The following KSR2 variants were observed in gnomAD, a reference collection of about 807,000 sequenced individuals.
KSR2 encodes kinase suppressor of ras 2.
A neutral mutation model predicts 107.8 loss-of-function variants in KSR2; 25 were observed. That is an observed-to-expected ratio of 0.23 (90% CI 0.17 to 0.32). KSR2 has a LOEUF of 0.32. Ranked by LOEUF, KSR2 falls within the 10% of genes least tolerant of loss-of-function variation. The probability of loss-of-function intolerance (pLI) is 1.00; values close to 1 mark genes in which losing one functional copy is unlikely to be tolerated. For synonymous variants in KSR2, 480 were observed against 507.0 expected, an observed-to-expected ratio of 0.95 and a Z score of 0.71; for missense variants, 887 against 1,268.9, an observed-to-expected ratio of 0.70 and a Z score of 4.57.
chr12:117,595,173 C>T (rs1880558162), intron 5 of KSR2, among the ~76,000 whole-genome samples: 1 of 152,166 alleles, frequency 6.6e-6, no homozygotes, highest in Non-Finnish European at 1.5e-5. Context: ...AAACACTTAG[C>T]TAGACATCAC....
At chr12:117,622,274 A>G (rs985098151) in intron 5 of KSR2, among the ~76,000 whole-genome samples, 2 of 152,140 alleles carry the variant, frequency 1.3e-5, no homozygotes, top group African/African-American at 4.8e-5. Flanking sequence ...TCAGGATTAA[A>G]TCATCATTTC....
At chr12:117,573,328 T>G (rs845753) in intron 7 of KSR2, among the ~76,000 whole-genome samples, 3 of 151,878 alleles carry the variant, frequency 2.0e-5, no homozygotes, top group Admixed American at 6.6e-5. Flanking sequence ...AGGATGAACA[T>G]GTCATTGAAC....
At chr12:117,498,469 G>A (rs549480429) in intron 14 of KSR2, among the ~76,000 whole-genome samples, 1 of 152,310 alleles carries the variant, frequency 6.6e-6, no homozygotes, top group East Asian at 1.9e-4. Context: ...CACTGGCCCA[G>A]GGGAGGGGCT....
chr12:117,613,498 C>A (rs1279060706), intron 5 of KSR2, among the ~76,000 whole-genome samples: 1 of 152,124 alleles, frequency 6.6e-6, no homozygotes, highest in East Asian at 1.9e-4. Flanking sequence ...GTCTCTGGCC[C>A]CTCCTGCACT....
At chr12:117,698,462 T>G (rs1045935653) in intron 4 of KSR2, among the ~76,000 whole-genome samples, 1 of 152,008 alleles carries the variant, frequency 6.6e-6, no homozygotes, top group African/African-American at 2.4e-5. Context: ...ACTATGGGCA[T>G]GCACCACCAC....
chr12:117,494,045 C>G (rs969960050), intron 14 of KSR2, among the ~76,000 whole-genome samples: 1 of 152,134 alleles, frequency 6.6e-6, no homozygotes, highest in African/African-American at 2.4e-5. Flanking sequence ...TGGACTAATA[C>G]GGGCAGGGAC....
At chr12:117,908,522 T>C (rs1055645269) in intron 1 of KSR2, among the ~76,000 whole-genome samples, 2 of 152,204 alleles carry the variant, frequency 1.3e-5, no homozygotes, top group African/African-American at 4.8e-5. Context: ...GTTACATATC[T>C]CTGTGACACA....
At chr12:117,655,040 A>G (rs1203656535) in intron 5 of KSR2, among the ~76,000 whole-genome samples, 1 of 152,188 alleles carries the variant, frequency 6.6e-6, no homozygotes, top group African/African-American at 2.4e-5. Context: ...TGAGCCCTCG[A>G]TATGTCACCA....
rs1888904970 is a variant in KSR2, at chr12:117,759,108, T to C, written c.986+1903A>G. On this transcript the variant is annotated intron_variant, in intron 4 of 19. Coordinates refer to ENST00000339824, the MANE Select transcript of KSR2 (RefSeq NM_173598.6). ...ATGCATTCTACGTCTTCAAGCTAGG[T>C]TTCACATAGCAGCTTAAATATGACT... Among the ~76,000 whole-genome samples the C allele has an allele frequency of 2.0e-5, 3 of 152,134 alleles. No homozygotes were observed. In the South Asian group the frequency reaches 6.2e-4, roughly 32 times the overall value.
chr12:117,670,029 T>C (rs1179308794), intron 4 of KSR2, among the ~76,000 whole-genome samples: 1 of 152,142 alleles, frequency 6.6e-6, no homozygotes, highest in Non-Finnish European at 1.5e-5. Flanking sequence ...GCCAACAGAT[T>C]ATTAGGAGGC....
At chr12:117,490,846 G>C (rs996309060) in intron 14 of KSR2, among the ~76,000 whole-genome samples, 2 of 152,196 alleles carry the variant, frequency 1.3e-5, no homozygotes, top group Non-Finnish European at 1.5e-5. Context: ...TTATTGTGTA[G>C]CACATGATGT....
chr12:117,717,666 GGTGTGTGTGTGT>G (rs55910019), intron 4 of KSR2, among the ~76,000 whole-genome samples: 23,880 of 144,454 alleles, frequency 0.17, 2,089 homozygotes, highest in East Asian at 0.24. Context: ...GGGGCAGACA[GGTGTGTGTGTGT>G]GTGTGTGTGT....
intron 1 of KSR2, among the ~76,000 whole-genome samples, chr12:117,934,379 G>T (rs556809909): frequency 6.6e-6 from 1 of 152,172 alleles, no homozygotes; most frequent in South Asian, 2.1e-4. Flanking sequence ...GAGCCACTGA[G>T]AAATAATCAC....
chr12:117,787,625 T>C (rs1166623352), intron 3 of KSR2, among the ~76,000 whole-genome samples: 3 of 151,444 alleles, frequency 2.0e-5, no homozygotes, highest in Non-Finnish European at 1.5e-5. Flanking sequence ...AGAGCGAGAC[T>C]CCATCTCAAA....
rs114054455 is a variant in KSR2, at chr12:117,615,814, A to G, written c.1172-33455T>C. Among the ~76,000 whole-genome samples, 1,187 of 152,284 alleles carry G rather than the reference A, an allele frequency of 7.8e-3. 20 individuals are homozygous for G. Among genetic ancestry groups the G allele is most frequent in the African/African-American group, 0.027 (1,122 of 41,564 alleles). Reference sequence around the variant, plus strand: ...ATCCCTGACCCATAGATGCTGTGGGATAATAAATGTGTATTGCTTGTTAAG... The same window carrying G: ...ATCCCTGACCCATAGATGCTGTGGGGTAATAAATGTGTATTGCTTGTTAAG... On this transcript the variant is annotated intron_variant, in intron 5 of 19. Coordinates refer to ENST00000339824, the MANE Select transcript of KSR2 (RefSeq NM_173598.6).
chr12:117,736,263 T>C (rs1019094751), intron 4 of KSR2, among the ~76,000 whole-genome samples: 8 of 152,194 alleles, frequency 5.3e-5, no homozygotes, highest in South Asian at 2.1e-4. Flanking sequence ...AACACTCCCT[T>C]GCCTGTTCAA....
chr12:117,539,394 G>A (rs1257698646), intron 10 of KSR2: 1 of 295,368 alleles, frequency 3.4e-6, no homozygotes, highest in Non-Finnish European at 6.1e-6. Context: ...CTTAGACTTA[G>A]GCGAAGACCC....
chr12:117,598,190 T>A (rs528461611), intron 5 of KSR2, among the ~76,000 whole-genome samples: 1 of 152,168 alleles, frequency 6.6e-6, no homozygotes, highest in Non-Finnish European at 1.5e-5. Context: ...TGCCTTTGCA[T>A]CCCCATAGCT....
At chr12:117,672,179 C>T (rs1008749657) in intron 4 of KSR2, among the ~76,000 whole-genome samples, 4 of 152,206 alleles carry the variant, frequency 2.6e-5, no homozygotes, top group African/African-American at 4.8e-5. Flanking sequence ...TTTCATCCCA[C>T]GCAAATGCTC....
Sources: gnomAD v4.1 joint callset for allele counts (sites outside exome capture counted in the v4.1 genomes callset) on GRCh38, gnomAD v4.1.1 for gene constraint, MANE v1.5 for transcripts, NCBI Gene and HGNC (gene_info 2026-07-23, HGNC 2026-07-21) for gene names.